Variants in FMN2 observed in about 807,000 individuals in gnomAD.
FMN2 encodes the protein formin-2.
Under a neutral mutation model 142.3 loss-of-function variants are expected in FMN2, and 51 were observed. The ratio of observed to expected loss-of-function variants is 0.36; its 90% confidence interval spans 0.29 to 0.45. The LOEUF (loss-of-function observed/expected upper bound fraction) is 0.45, where lower values mean the gene tolerates loss of function less well. FMN2 is among the 20% of genes least tolerant of loss of function. The pLI, the probability that FMN2 is intolerant of heterozygous loss-of-function variation, is 1.00. For missense variants in FMN2, 1,936 were observed against 2,122.8 expected (o/e 0.91, Z 1.73); for synonymous variants, 882 against 869.8 (o/e 1.01, Z -0.25).
chr1:240,298,587 C>G (rs1383310903), intron 8 of FMN2, among the ~76,000 whole-genome samples: 1 of 152,176 alleles, frequency 6.6e-6, no homozygotes, highest in African/African-American at 2.4e-5. Context: ...AGCTCCACTT[C>G]CTGTTGGATC....
At chr1:240,180,270 T>A in intron 3 of FMN2, 1 of 816,678 alleles carries the variant, frequency 1.2e-6, no homozygotes. Context: ...CAGAGTGATC[T>A]AATGGGTCTT....
In FMN2 at chr1:240,174,894, G is replaced by A. The variant is rs755533886; in HGVS notation, c.1783-3027G>A. On this transcript the variant is annotated intron_variant, in intron 2 of 17. Coordinates refer to ENST00000319653, the MANE Select transcript of FMN2 (RefSeq NM_020066.5). ...TAAGTGTCCAATTCAGTGTTGTTAT[G>A]TATATTCACATTGTTGTGCAATCAA... is the stretch of plus-strand genomic sequence containing the variant. Among the ~76,000 whole-genome samples the A allele has an allele frequency of 3.9e-5, 6 of 152,238 alleles. 1 individual carries two copies. The highest frequency in any genetic ancestry group is 4.4e-5 in the Non-Finnish European group (3 of 68,012).
intron 7 of FMN2, among the ~76,000 whole-genome samples, chr1:240,281,922 C>T (rs775713681): frequency 2.0e-5 from 3 of 152,198 alleles, no homozygotes; most frequent in East Asian, 1.9e-4. Context: ...TATATAGATG[C>T]GTGATTTGAA....
At chr1:240,426,719 T>C (rs1324308991) in intron 15 of FMN2, among the ~76,000 whole-genome samples, 2 of 152,166 alleles carry the variant, frequency 1.3e-5, no homozygotes, top group Non-Finnish European at 2.9e-5. Context: ...TATGTTTCTC[T>C]AAAAGATACC....
chr1:240,220,514 G>T (rs1264046013), intron 6 of FMN2, among the ~76,000 whole-genome samples: 1 of 152,114 alleles, frequency 6.6e-6, no homozygotes, highest in Non-Finnish European at 1.5e-5. Context: ...CATCATCGAT[G>T]GAAGTAGGGA....
intron 2 of FMN2, among the ~76,000 whole-genome samples, chr1:240,172,227 C>T (rs1664732453): frequency 1.3e-5 from 2 of 150,396 alleles, no homozygotes; most frequent in Non-Finnish European, 2.9e-5. Flanking sequence ...CAGAAAAAGA[C>T]ATTTATGGAT....
At chr1:240,202,943 C>G (rs939483294) in intron 4 of FMN2, among the ~76,000 whole-genome samples, 1 of 152,154 alleles carries the variant, frequency 6.6e-6, no homozygotes, top group Non-Finnish European at 1.5e-5. Flanking sequence ...ATCAACTAAC[C>G]TTTTTATATA....
At chr1:240,272,282 A>G (rs1490980241) in intron 7 of FMN2, among the ~76,000 whole-genome samples, 5 of 152,178 alleles carry the variant, frequency 3.3e-5, no homozygotes, top group Non-Finnish European at 7.3e-5. Flanking sequence ...GTAGAGCCCA[A>G]GTTTGACCAC....
intron 8 of FMN2, among the ~76,000 whole-genome samples, chr1:240,315,477 T>C (rs1034974722): frequency 6.6e-6 from 1 of 152,344 alleles, no homozygotes; most frequent in Admixed American, 6.5e-5. Flanking sequence ...AGAACTCCTA[T>C]CATGTTTTTC....
At chr1:240,214,352 C>A (rs569090618) in intron 6 of FMN2, among the ~76,000 whole-genome samples, 1 of 151,520 alleles carries the variant, frequency 6.6e-6, no homozygotes, top group African/African-American at 2.4e-5. Context: ...GAGATGGAGA[C>A]CATCCTGGCT....
At chr1:240,226,111 A>G (rs1235517124) in intron 6 of FMN2, among the ~76,000 whole-genome samples, 1 of 152,170 alleles carries the variant, frequency 6.6e-6, no homozygotes, top group African/African-American at 2.4e-5. Context: ...AGGAGAGAGA[A>G]AAGGGGCAGA....
At position 240,438,075 on chromosome 1, in the gene FMN2, C is replaced by T. The variant is rs774680818; in HGVS notation, c.4925C>T (p.Thr1642Met). ...TETHKCFLETTAYFFMKPKLG... is the reference protein window; with the variant it reads ...TETHKCFLETMAYFFMKPKLG... ...TGATTTGACAGCTTTTTGGAGACCA[C>T]GGCATATTTCTTCATGAAACCAAAA... The change falls in exon 16 of 18, where the codon ACG becomes ATG. Residue 1642 changes from threonine to methionine, a missense_variant. Around this residue, in one of 8 missense-constraint regions of FMN2, gnomAD observed 322 missense variants for 401.6 expected, o/e 0.80. Transcript: ENST00000319653. The T allele has an allele frequency of 6.8e-6, 11 of 1,613,236 alleles. No homozygotes were observed. Among genetic ancestry groups the T allele is most frequent in the East Asian group, 4.5e-5 (2 of 44,866 alleles).
chr1:240,136,961 T>C (rs1458604880), intron 2 of FMN2, among the ~76,000 whole-genome samples: 1 of 149,570 alleles, frequency 6.7e-6, no homozygotes, highest in Non-Finnish European at 1.5e-5. Flanking sequence ...TCCCAGCTAC[T>C]AGGGAGGCTG....
rs1666403042 is a variant in FMN2, at chr1:240,207,344, T to C, written c.2532T>C (p.Ser844=). The C allele has an allele frequency of 6.2e-7, 1 of 1,613,712 alleles. No individual in the cohort carries two copies. Among genetic ancestry groups the C allele is most frequent in the Non-Finnish European group, 8.5e-7 (1 of 1,179,848 alleles). The change falls in exon 5 of 18, where the codon TCT becomes TCC. Residue 844 remains serine (S), a synonymous_variant. Transcript: ENST00000319653. ...AGTTTCAAACCAGCCACGAACACTCTGTTTCCTCTGCCTTTAAAAACAGCT... is the reference window on the plus strand; with the variant it reads ...AGTTTCAAACCAGCCACGAACACTCCGTTTCCTCTGCCTTTAAAAACAGCT... ...STEFQTSHEH[S]VSSAFKNSCN... is the part of the protein sequence containing the mutation.
intron 7 of FMN2, 148 bp downstream of exon 7, chr1:240,258,180 A>G: frequency 3.3e-6 from 2 of 609,730 alleles, no homozygotes; most frequent in Non-Finnish European, 5.6e-6. Context: ...GCTATCTCCC[A>G]TGATTGTTTC....
intron 15 of FMN2, among the ~76,000 whole-genome samples, chr1:240,403,835 TA>T (rs1180970448): frequency 6.6e-6 from 1 of 152,156 alleles, no homozygotes; most frequent in Non-Finnish European, 1.5e-5. Flanking sequence ...TAGGATCTTT[TA>T]AAAAATATTC....
intron 14 of FMN2, among the ~76,000 whole-genome samples, chr1:240,383,253 A>C (rs1673291023): frequency 6.6e-6 from 1 of 152,066 alleles, no homozygotes; most frequent in South Asian, 2.1e-4. Flanking sequence ...AGAATAAAAA[A>C]TAGATAAATG....
Position 240,209,882 on chromosome 1 carries a change from C to T in FMN2, c.3920+1150C>T, listed in dbSNP as rs374633450. On this transcript the variant is annotated intron_variant, in intron 5 of 17. Coordinates refer to ENST00000319653, the MANE Select transcript of FMN2 (RefSeq NM_020066.5). ...TCGCGCCACTGCACTCCAGCCTGGG[C>T]GACAGAGCGAGAGTCCGTCTCAAAA... is the stretch of plus-strand genomic sequence containing the variant. Among the ~76,000 whole-genome samples the T allele has an allele frequency of 2.9e-3, 436 of 151,752 alleles. 4 individuals carry two copies. The South Asian group carries it at 0.032, about 11-fold the overall frequency.
chr1:240,384,263 T>C (rs1673336296), intron 14 of FMN2, among the ~76,000 whole-genome samples: 1 of 152,172 alleles, frequency 6.6e-6, no homozygotes, highest in Non-Finnish European at 1.5e-5. Flanking sequence ...AATATATCTA[T>C]GTAACAAACC....
Sources: gnomAD v4.1 joint callset for allele counts (sites outside exome capture counted in the v4.1 genomes callset) on GRCh38, gnomAD v4.1.1 for gene constraint, gnomAD v4.1.1 regional missense constraint, MANE v1.5 for transcripts, NCBI Gene and HGNC (gene_info 2026-07-23, HGNC 2026-07-21) for gene names.